ADRA1B: variants seen among roughly 807,000 people sequenced by gnomAD.
The protein encoded by ADRA1B is adrenoceptor alpha 1B, also known as alpha-1B adrenergic receptor.
ADRA1B carries 17 observed loss-of-function variants against 17.9 expected under a neutral mutation model. The ratio of observed to expected loss-of-function variants is 0.95; its 90% CI spans 0.65 to 1.42. ADRA1B has a LOEUF of 1.42. ADRA1B is among the 40% of genes most tolerant of loss of function. The probability of loss-of-function intolerance (pLI) is 0.00; values close to 1 mark genes in which losing one functional copy is unlikely to be tolerated. For missense variants in ADRA1B, 681 were observed against 722.1 expected, an observed-to-expected ratio of 0.94 and a Z score of 0.65; for synonymous variants, 366 against 327.6, an observed-to-expected ratio of 1.12 and a Z score of -1.27.
intron 1 of ADRA1B, among the ~76,000 whole-genome samples, chr5:159,873,517 A>G (rs1186923680): frequency 6.6e-6 from 1 of 152,088 alleles, no homozygotes; most frequent in Non-Finnish European, 1.5e-5. Context: ...ACTGAGGACA[A>G]CTCTAATAAA....
chr5:159,895,926 C>A (rs148075224), intron 1 of ADRA1B, among the ~76,000 whole-genome samples: 1 of 152,162 alleles, frequency 6.6e-6, no homozygotes, highest in African/African-American at 2.4e-5. Context: ...GTGCTCCCAG[C>A]GGACTATAGG....
intron 1 of ADRA1B, chr5:159,868,296 G>C (rs1753688848): frequency 6.6e-6 from 1 of 152,134 alleles, no homozygotes. Context: ...CATAATATAA[G>C]GCAGACTTTG....
At chr5:159,944,354 A>G (rs1050281112) in intron 1 of ADRA1B, among the ~76,000 whole-genome samples, 3 of 152,146 alleles carry the variant, frequency 2.0e-5, no homozygotes, top group African/African-American at 7.2e-5. Context: ...CAGGCTACTC[A>G]TTATTCTAGA....
In ADRA1B at chr5:159,918,060, G is replaced by A. The variant is rs1031150088; in HGVS notation, c.949+206G>A. On this transcript the variant is annotated intron_variant, in intron 1 of 1. Transcript: ENST00000306675. ...TCAGGTGTTAGTAGAACACGCTAAG[G>A]CACTAGCTTCTGGAAATAGAACCAG... 3.1e-4 allele frequency among the ~76,000 whole-genome samples: 47 copies of A among 152,144 alleles called. 3 individuals carry two copies. The highest frequency in any genetic ancestry group is 2.2e-3 in the Admixed American group (34 of 15,280).
At chr5:159,980,450 A>G in the ADRA1B span, among the ~76,000 whole-genome samples, 1 of 152,182 alleles carries the variant, frequency 6.6e-6, no homozygotes, top group East Asian at 1.9e-4. Flanking sequence ...TATGTGACAG[A>G]TGTGTTCCAA....
At chr5:159,873,965 T>G (rs1416654584) in intron 1 of ADRA1B, among the ~76,000 whole-genome samples, 1 of 152,154 alleles carries the variant, frequency 6.6e-6, no homozygotes, top group Non-Finnish European at 1.5e-5. Flanking sequence ...CACCTCTTTG[T>G]TTTTTTATGC....
chr5:159,972,585 G>A lies in ADRA1B; in HGVS notation c.*93G>A, dbSNP rs1755903029. ...GAGGGGGGAGGGGAGCGTCCACGCC[G>A]GGTAGACGCGCGCCCCAAGGGGAAC... On this transcript the variant is annotated 3_prime_UTR_variant, in exon 2 of 2. Coordinates refer to ENST00000306675, the MANE Select transcript of ADRA1B (RefSeq NM_000679.4). 16 of 1,064,860 alleles carry A rather than the reference G, an allele frequency of 1.5e-5. No individual in the cohort carries two copies. In the Admixed American group the frequency reaches 5.8e-4, roughly 38 times the overall value. The allele number at this position is 1,064,860 out of a possible 1,614,324, so 66.0% of individuals were successfully genotyped here.
At chr5:159,914,344 G>A (rs151311404), upstream of ADRA1B, among the ~76,000 whole-genome samples, 112 of 152,248 alleles carry the variant, frequency 7.4e-4, no homozygotes, top group African/African-American at 2.6e-3. Flanking sequence ...GTAGGCCAGG[G>A]AAACAGAGTT....
At chr5:159,887,678 G>A (rs980892701) in intron 1 of ADRA1B, among the ~76,000 whole-genome samples, 6 of 152,130 alleles carry the variant, frequency 3.9e-5, no homozygotes, top group African/African-American at 1.2e-4. Context: ...CCTGAACTTC[G>A]GTTTACATGA....
chr5:159,978,686 G>A, the ADRA1B span, among the ~76,000 whole-genome samples: 20 of 152,308 alleles, frequency 1.3e-4, no homozygotes, highest in African/African-American at 4.8e-4. Context: ...GGATTAGTAA[G>A]ACAAACAGCT....
intron 1 of ADRA1B, among the ~76,000 whole-genome samples, chr5:159,921,405 G>A (rs969443948): frequency 6.6e-6 from 1 of 152,210 alleles, no homozygotes; most frequent in Non-Finnish European, 1.5e-5. Flanking sequence ...AGATGTCAGA[G>A]AATCTTCAGC....
At chr5:159,957,929 C>CAAAAAAAAAAAAAA (rs35956137) in intron 1 of ADRA1B, among the ~76,000 whole-genome samples, 8 of 66,850 alleles carry the variant, frequency 1.2e-4, no homozygotes, top group African/African-American at 2.0e-4. Context: ...AACCCCATCT[C>CAAAAAAAAAAAAAA]AAAAAAAAAA....
At chr5:159,901,696 A>G (rs959485852) in intron 1 of ADRA1B, among the ~76,000 whole-genome samples, 16 of 152,182 alleles carry the variant, frequency 1.1e-4, no homozygotes, top group Admixed American at 8.5e-4. Flanking sequence ...TCAAAAGTAG[A>G]CAAAGAATAG....
chr5:159,877,772 G>A (rs1027291339), intron 1 of ADRA1B, among the ~76,000 whole-genome samples: 2 of 152,214 alleles, frequency 1.3e-5, no homozygotes, highest in Admixed American at 1.3e-4. Context: ...GGTGCAGCGT[G>A]CCCAGGGCTG....
At chr5:159,912,084 G>A (rs547681481), upstream of ADRA1B, among the ~76,000 whole-genome samples, 105 of 152,252 alleles carry the variant, frequency 6.9e-4, no homozygotes, top group African/African-American at 2.5e-3. Flanking sequence ...CCCAACGCCT[G>A]GCACCTAGTA....
chr5:159,899,737 G>A lies in ADRA1B; in HGVS notation c.-255-16382G>A, dbSNP rs114202594. On this transcript the variant is annotated intron_variant, in intron 1 of 2. Transcript: ENST00000641205. ...GTGGCAGGAGGCAATGAACTGGACT[G>A]TAAAGATGGGTCTTTAAAGGGTAGA... Among the ~76,000 whole-genome samples, 508 of 152,362 alleles carry A rather than the reference G, an allele frequency of 3.3e-3. 2 individuals carry two copies. The highest frequency in any genetic ancestry group is 5.4e-3 in the South Asian group (26 of 4,822).
At chr5:159,915,210 T>C (rs974154044), upstream of ADRA1B, among the ~76,000 whole-genome samples, 4 of 152,170 alleles carry the variant, frequency 2.6e-5, no homozygotes, top group African/African-American at 9.7e-5. Flanking sequence ...TACCCAACTT[T>C]GGGAGAGACC....
rs532632151 is a variant in ADRA1B, at chr5:159,950,735, C to T, written c.950-21144C>T. 2.0e-5 allele frequency: 13 copies of T among 655,398 alleles called. No individual in the cohort carries two copies. The African/African-American group carries it at 2.2e-4, about 11-fold the overall frequency. The allele number at this position is 655,398 out of a possible 1,614,324, so 40.6% of individuals were successfully genotyped here. A position where few individuals can be genotyped will look rare whatever the true frequency, so the allele number is the denominator to read the frequency against. Reference sequence around the variant, plus strand: ...CACTTCACCACCTTCTTAATGTCATCATATTTGGCAGGTTTTTCGAGACGG... The same window carrying T: ...CACTTCACCACCTTCTTAATGTCATTATATTTGGCAGGTTTTTCGAGACGG... On this transcript the variant is annotated intron_variant, in intron 1 of 1. Transcript: ENST00000306675.
At chr5:159,923,514 AAGT>A (rs1380902046) in intron 1 of ADRA1B, among the ~76,000 whole-genome samples, 2 of 152,254 alleles carry the variant, frequency 1.3e-5, no homozygotes, top group Non-Finnish European at 2.9e-5. Context: ...TGGGGTTTCT[AAGT>A]AGATGGAGGT....
Sources: gnomAD v4.1 joint callset for allele counts (sites outside exome capture counted in the v4.1 genomes callset) on GRCh38, gnomAD v4.1.1 for gene constraint, MANE v1.5 for transcripts, NCBI Gene and HGNC (gene_info 2026-07-23, HGNC 2026-07-21) for gene names.